GABRB3: variants seen among roughly 807,000 people sequenced by gnomAD.
The protein encoded by GABRB3 is gamma-aminobutyric acid type A receptor subunit beta3, also known as gamma-aminobutyric acid receptor subunit beta-3.
A neutral mutation model predicts 52.1 loss-of-function variants in GABRB3; 14 were observed. The observed-to-expected ratio is 0.27, with a 90% CI of 0.18 to 0.42. The LOEUF is 0.42. GABRB3 is among the 10% of genes least tolerant of loss of function. The probability of loss-of-function intolerance (pLI) is 1.00; values close to 1 mark genes in which losing one functional copy is unlikely to be tolerated. For missense variants in GABRB3, 307 were observed against 609.1 expected (o/e 0.50, Z 5.22); for synonymous variants, 260 against 232.3 (o/e 1.12, Z -1.08).
At chr15:26,748,020 A>T (rs181886220) in intron 3 of GABRB3, among the ~76,000 whole-genome samples, 2 of 129,842 alleles carry the variant, frequency 1.5e-5, no homozygotes, top group East Asian at 4.5e-4. Context: ...CTGTGGATAC[A>T]CTGGTTGATT....
chr15:26,699,109 TATAA>T (rs10592901), intron 3 of GABRB3, among the ~76,000 whole-genome samples: 3,632 of 152,220 alleles, frequency 0.024, 141 homozygotes, highest in African/African-American at 0.083. Context: ...GAAGCAGGAA[TATAA>T]ATATTAGAGG....
chr15:26,675,417 C>T (rs959030526), intron 3 of GABRB3, among the ~76,000 whole-genome samples: 4 of 152,040 alleles, frequency 2.6e-5, no homozygotes, highest in African/African-American at 9.7e-5. Context: ...CTGAACACCC[C>T]CTACCTTGTG....
At chr15:26,554,678 C>T (rs557857280) in intron 8 of GABRB3, among the ~76,000 whole-genome samples, 15 of 152,298 alleles carry the variant, frequency 9.8e-5, no homozygotes, top group Non-Finnish European at 1.0e-4. Context: ...ACCACGTCCG[C>T]GTCATGGGTG....
At chr15:26,565,585 A>G (rs1309408428) in intron 7 of GABRB3, among the ~76,000 whole-genome samples, 3 of 152,178 alleles carry the variant, frequency 2.0e-5, no homozygotes, top group Non-Finnish European at 4.4e-5. Context: ...CATGAAGAAA[A>G]AGTGGAATCT....
At chr15:26,742,120 T>G (rs866259938) in intron 3 of GABRB3, among the ~76,000 whole-genome samples, 1 of 152,160 alleles carries the variant, frequency 6.6e-6, no homozygotes. Context: ...TCCTTAGTAA[T>G]GCTGGGTGAA....
At chr15:26,659,304 C>T (rs1213925074) in intron 3 of GABRB3, among the ~76,000 whole-genome samples, 3 of 152,206 alleles carry the variant, frequency 2.0e-5, no homozygotes, top group Admixed American at 6.5e-5. Context: ...AGGTGGATCA[C>T]TTGAGGTCAG....
At chr15:26,576,282 T>G (rs762962168) in intron 6 of GABRB3, among the ~76,000 whole-genome samples, 3 of 152,224 alleles carry the variant, frequency 2.0e-5, no homozygotes, top group African/African-American at 4.8e-5. Context: ...TTATAGTGCT[T>G]TCTTCAACAA....
chr15:26,724,878 C>T (rs1056163915), intron 3 of GABRB3, among the ~76,000 whole-genome samples: 1 of 152,178 alleles, frequency 6.6e-6, no homozygotes, highest in African/African-American at 2.4e-5. Flanking sequence ...TGGGAGGCTA[C>T]ACTTCCCAGC....
intron 3 of GABRB3, among the ~76,000 whole-genome samples, chr15:26,713,701 G>A (rs1307163304): frequency 1.3e-5 from 2 of 152,228 alleles, no homozygotes; most frequent in East Asian, 1.9e-4. Context: ...ATAAGATGTC[G>A]TGGGTGGGAG....
chr15:26,724,567 T>C (rs1202054231), intron 3 of GABRB3, among the ~76,000 whole-genome samples: 4 of 152,000 alleles, frequency 2.6e-5, no homozygotes, highest in African/African-American at 9.7e-5. Flanking sequence ...CCACCAACCA[T>C]GGAGTGGTTG....
intron 4 of GABRB3, among the ~76,000 whole-genome samples, chr15:26,611,478 A>T (rs1473997552): frequency 6.6e-6 from 1 of 152,200 alleles, no homozygotes; most frequent in Non-Finnish European, 1.5e-5. Flanking sequence ...TATATAAAAT[A>T]CGCCAAAGAA....
At chr15:26,596,413 T>C (rs1006573714) in intron 4 of GABRB3, among the ~76,000 whole-genome samples, 1 of 152,084 alleles carries the variant, frequency 6.6e-6, no homozygotes, top group East Asian at 1.9e-4. Context: ...TGAATTGTCC[T>C]GGCTAATGCA....
At chr15:26,548,264 A>T (rs977218742) in intron 8 of GABRB3, 130 bp from the exon 9 acceptor site, 1 of 782,382 alleles carries the variant, frequency 1.3e-6, no homozygotes, top group South Asian at 1.4e-5. Context: ...TGTCAAATCC[A>T]GCACTCCGTT....
intron 3 of GABRB3, among the ~76,000 whole-genome samples, chr15:26,697,126 C>T (rs1181496352): frequency 6.6e-6 from 1 of 152,112 alleles, no homozygotes; most frequent in African/African-American, 2.4e-5. Context: ...TTTCAGATCC[C>T]CACAGATTCC....
intron 4 of GABRB3, among the ~76,000 whole-genome samples, chr15:26,617,576 C>T (rs1892304990): frequency 6.6e-6 from 1 of 152,168 alleles, no homozygotes; most frequent in South Asian, 2.1e-4. Context: ...TGGGCAAAAA[C>T]TGGAAGCATT....
intron 7 of GABRB3, 118 bp from the exon 8 acceptor site, chr15:26,561,294 C>T (rs1040846143): frequency 2.3e-5 from 32 of 1,406,032 alleles, no homozygotes; most frequent in Middle Eastern, 1.7e-4. Flanking sequence ...GGGTTGAATA[C>T]TGTGGGGTGA....
intron 3 of GABRB3, among the ~76,000 whole-genome samples, chr15:26,733,362 G>A (rs1271140332): frequency 6.6e-6 from 1 of 152,002 alleles, no homozygotes; most frequent in Non-Finnish European, 1.5e-5. Flanking sequence ...TTTCTATATT[G>A]TAACAATGAG....
chr15:26,764,168 AAAAAAAAAAAAATATATATATATATAT>A lies in GABRB3; in HGVS notation c.240+8207_240+8233del, dbSNP rs1890911807. ...CGGTCTCAAAAAAAAAAAAAAAAAA[AAAAAAAAAAAAATATATATATATATAT>A]ATATATATATATATATATATATATA... On this transcript the variant is annotated intron_variant, in intron 3 of 8. Coordinates refer to ENST00000311550, the MANE Select transcript of GABRB3 (RefSeq NM_000814.6). Among the ~76,000 whole-genome samples, 3 of 25,384 alleles carry A rather than the reference AAAAAAAAAAAAATATATATATATATAT, an allele frequency of 1.2e-4. 1 individual carries two copies. In the South Asian group the frequency reaches 5.9e-3, roughly 50 times the overall value. The allele number at this position is 25,384 out of a possible 152,430, so 16.7% of individuals were successfully genotyped here.
At chr15:26,552,254 G>A (rs1314945237) in intron 8 of GABRB3, among the ~76,000 whole-genome samples, 2 of 152,110 alleles carry the variant, frequency 1.3e-5, no homozygotes, top group Non-Finnish European at 2.9e-5. Flanking sequence ...TGATCCTCCC[G>A]CCTCGGCCTC....
Sources: gnomAD v4.1 joint callset for allele counts (sites outside exome capture counted in the v4.1 genomes callset) on GRCh38, gnomAD v4.1.1 for gene constraint, MANE v1.5 for transcripts, NCBI Gene and HGNC (gene_info 2026-07-23, HGNC 2026-07-21) for gene names.